Variants in ADK observed in about 807,000 individuals in gnomAD.
ADK encodes the protein adenosine kinase.
In ADK, 24 loss-of-function variants were observed where a neutral mutation model predicts 44.7. The ratio of observed to expected loss-of-function variants is 0.54; its 90% CI spans 0.39 to 0.76. ADK has a LOEUF of 0.76. ADK is among the 30% of genes least tolerant of loss of function. ADK has a pLI of 0.00. For synonymous variants in ADK, 128 were observed against 142.6 expected, an observed-to-expected ratio of 0.90 and a Z score of 0.73; for missense variants, 321 against 425.1, an observed-to-expected ratio of 0.76 and a Z score of 2.15.
At chr10:74,704,903 CTT>C (rs766067172) in intron 10 of ADK, among the ~76,000 whole-genome samples, 2 of 152,204 alleles carry the variant, frequency 1.3e-5, no homozygotes, top group Non-Finnish European at 2.9e-5. Flanking sequence ...TTAATATTGA[CTT>C]TTGACTGTTA....
At chr10:74,304,234 C>A (rs1456963772) in intron 3 of ADK, among the ~76,000 whole-genome samples, 1 of 151,390 alleles carries the variant, frequency 6.6e-6, no homozygotes, top group Admixed American at 6.6e-5. Flanking sequence ...AGATGTCAGT[C>A]ATTTACTTCT....
chr10:74,462,210 T>G (rs1454844843), intron 6 of ADK, among the ~76,000 whole-genome samples: 1 of 152,088 alleles, frequency 6.6e-6, no homozygotes, highest in Admixed American at 6.5e-5. Flanking sequence ...TATAATATCA[T>G]TAATAGATTT....
In ADK at chr10:74,631,916, A is replaced by C. The variant is rs140526312; in HGVS notation, c.877+31423A>C. Among the ~76,000 whole-genome samples the C allele has an allele frequency of 1.4e-3, 210 of 151,752 alleles. 1 individual carries two copies. The highest frequency in any genetic ancestry group is 4.9e-3 in the African/African-American group (201 of 41,374). On this transcript the variant is annotated intron_variant, in intron 9 of 10. Transcript: ENST00000539909. ...CTACCTCTTGTAGGTAACCAATCTCAGTTTTTTACTTATCTTTTCTGTATT... is the reference window on the plus strand; with the variant it reads ...CTACCTCTTGTAGGTAACCAATCTCCGTTTTTTACTTATCTTTTCTGTATT...
intron 1 of ADK, among the ~76,000 whole-genome samples, chr10:74,157,257 A>G (rs146424919): frequency 2.6e-5 from 4 of 152,340 alleles, no homozygotes; most frequent in African/African-American, 7.2e-5. Flanking sequence ...GTCTGAGCCT[A>G]TAAACACACG....
intron 3 of ADK, among the ~76,000 whole-genome samples, chr10:74,250,490 A>G (rs1432775448): frequency 3.9e-5 from 6 of 152,324 alleles, no homozygotes; most frequent in Non-Finnish European, 8.8e-5. Context: ...TTCAGGCCGA[A>G]TTGTGAAAAG....
chr10:74,552,660 A>G (rs1182384573), intron 7 of ADK, among the ~76,000 whole-genome samples: 1 of 151,590 alleles, frequency 6.6e-6, no homozygotes, highest in Admixed American at 6.6e-5. Flanking sequence ...CCAGCCACAG[A>G]TTAGGAGAAA....
At chr10:74,533,188 AT>A (rs1371182400) in intron 7 of ADK, among the ~76,000 whole-genome samples, 1 of 152,186 alleles carries the variant, frequency 6.6e-6, no homozygotes, top group Non-Finnish European at 1.5e-5. Flanking sequence ...ATGTTCATAG[AT>A]TAGAAGACTC....
In ADK at chr10:74,611,519, G is replaced by A. The variant is rs1373606268; in HGVS notation, c.877+11026G>A. Among the ~76,000 whole-genome samples, 4 of 150,902 alleles carry A rather than the reference G, an allele frequency of 2.7e-5. No individual in the cohort carries two copies. In the South Asian group the frequency reaches 8.4e-4, roughly 32 times the overall value. ...TTTTTTTTTTTAATTTTAGAATTGG[G>A]GGAGGGTGTGATACTTTTTCAGGGT... On this transcript the variant is annotated intron_variant, in intron 9 of 10. Transcript: ENST00000539909.
chr10:74,515,323 G>T (rs1242000502), intron 6 of ADK, among the ~76,000 whole-genome samples: 2 of 152,138 alleles, frequency 1.3e-5, no homozygotes, highest in African/African-American at 2.4e-5. Flanking sequence ...CCAGGGGTGG[G>T]CTCACTAGAC....
intron 10 of ADK, among the ~76,000 whole-genome samples, chr10:74,706,019 G>A (rs1156991420): frequency 6.6e-6 from 1 of 152,162 alleles, no homozygotes; most frequent in African/African-American, 2.4e-5. Flanking sequence ...ACAAAGTTCA[G>A]ATTATTTTTT....
intron 9 of ADK, among the ~76,000 whole-genome samples, chr10:74,639,234 A>G (rs534843914): frequency 1.1e-4 from 17 of 152,218 alleles, no homozygotes; most frequent in Non-Finnish European, 2.2e-4. Flanking sequence ...AAGAATTGTT[A>G]TTTGATACTT....
Position 74,314,692 on chromosome 10 carries a change from A to T in ADK, c.220A>T (p.Lys74Ter). The change falls in exon 4 of 11, where the codon AAA (lysine) becomes TAA (stop). Residue 74 changes from lysine to a stop codon, truncating the protein, a stop_gained. Transcript: ENST00000539909. LOFTEE classifies it high-confidence loss of function. ...GTTTGATGAACTTGTGAAAAAATTCAAAGTCGAATATCATGCTGGTGGCTC... is the reference window on the plus strand; with the variant it reads ...GTTTGATGAACTTGTGAAAAAATTCTAAGTCGAATATCATGCTGGTGGCTC... ...ELFDELVKKFKVEYHAGGSTQ... is the reference protein window; with the variant it reads ...ELFDELVKKF The T allele has an allele frequency of 6.2e-7, 1 of 1,613,034 alleles. No homozygotes were observed. Among genetic ancestry groups the T allele is most frequent in the Non-Finnish European group, 8.5e-7 (1 of 1,179,344 alleles).
At chr10:74,620,164 ATTG>A in intron 9 of ADK, among the ~76,000 whole-genome samples, 1 of 152,324 alleles carries the variant, frequency 6.6e-6, no homozygotes, top group East Asian at 1.9e-4. Context: ...GTAATATATT[ATTG>A]TTAACTGTAG....
chr10:74,412,377 G>A (rs1377310334), intron 6 of ADK, among the ~76,000 whole-genome samples: 3 of 152,108 alleles, frequency 2.0e-5, no homozygotes, highest in Non-Finnish European at 4.4e-5. Context: ...CTGGGCTTAA[G>A]TGATCCTCCC....
chr10:74,575,892 A>G (rs1276680672), intron 7 of ADK, among the ~76,000 whole-genome samples: 3 of 152,166 alleles, frequency 2.0e-5, no homozygotes, highest in East Asian at 3.9e-4. Flanking sequence ...AAGAATTAAT[A>G]CAGGCCTGAC....
At chr10:74,525,195 C>T in intron 6 of ADK, 61 bp from the exon 7 acceptor site, 1 of 1,503,230 alleles carries the variant, frequency 6.7e-7, no homozygotes. Flanking sequence ...TTCTTTTATT[C>T]TCACTGAGAG....
chr10:74,272,856 C>A (rs1000600811), intron 3 of ADK, among the ~76,000 whole-genome samples: 1 of 152,100 alleles, frequency 6.6e-6, no homozygotes, highest in East Asian at 1.9e-4. Flanking sequence ...TCCTTCTACC[C>A]CTGTTCAACT....
intron 10 of ADK, among the ~76,000 whole-genome samples, chr10:74,693,566 T>G (rs1360507317): frequency 6.9e-6 from 1 of 145,438 alleles, no homozygotes; most frequent in Non-Finnish European, 1.5e-5. Flanking sequence ...TTAATTCTGT[T>G]AGGAATCCCC....
Position 74,677,545 on chromosome 10 carries a change from C to A in ADK, c.964+7276C>A, listed in dbSNP as rs187365492. The stretch of plus-strand genomic sequence containing the variant: ...GGGATTTGTTTTTTCTACACTACCC[C>A]CTTCCTTTGCTCTCCATCTCAGAAG... On this transcript the variant is annotated intron_variant, in intron 10 of 10. Transcript: ENST00000539909. 6.2e-4 allele frequency among the ~76,000 whole-genome samples: 95 copies of A among 152,224 alleles called. 1 individual carries two copies. Among genetic ancestry groups the A allele is most frequent in the Non-Finnish European group, 1.1e-3 (78 of 68,016 alleles).
Sources: gnomAD v4.1 joint callset for allele counts (sites outside exome capture counted in the v4.1 genomes callset) on GRCh38, gnomAD v4.1.1 for gene constraint, MANE v1.5 for transcripts, NCBI Gene and HGNC (gene_info 2026-07-23, HGNC 2026-07-21) for gene names.